DCBLD2: variants seen among roughly 807,000 people sequenced by gnomAD.
DCBLD2 encodes the protein discoidin, CUB and LCCL domain-containing protein 2.
Under a neutral mutation model 86.8 loss-of-function variants are expected in DCBLD2, and 54 were observed. The ratio of observed to expected loss-of-function variants is 0.62; its 90% CI spans 0.50 to 0.78. The LOEUF (loss-of-function observed/expected upper bound fraction) is 0.78, where lower values mean the gene tolerates loss of function less well. Among genes scored for constraint, DCBLD2 ranks in the 30% least tolerant of loss-of-function variants. The probability of loss-of-function intolerance (pLI) is 0.00; values close to 1 mark genes in which losing one functional copy is unlikely to be tolerated. For synonymous variants in DCBLD2, 354 were observed against 341.3 expected (o/e 1.04, Z -0.41); for missense variants, 908 against 954.2 (o/e 0.95, Z 0.64).
intron 3 of DCBLD2, among the ~76,000 whole-genome samples, chr3:98,848,749 G>A (rs1480314742): frequency 1.3e-5 from 2 of 152,174 alleles, no homozygotes; most frequent in Admixed American, 6.5e-5. Context: ...TACTCCTGGG[G>A]ATGTGAGATC....
rs1942292409 is a variant in DCBLD2 at position 98,830,018 on chromosome 3, C to G, written c.572-4652G>C. On this transcript the variant is annotated intron_variant, in intron 3 of 15. Transcript: ENST00000326840. ...ATGATATTGAGCTTTTTTTCTTATG[C>G]TTATTGGCCACATATGTGTCTTCTT... Among the ~76,000 whole-genome samples the G allele has an allele frequency of 2.0e-5, 3 of 152,060 alleles. No individual in the cohort carries two copies. In the East Asian group the frequency reaches 5.8e-4, roughly 29 times the overall value.
At chr3:98,858,754 A>G (rs907970927) in intron 2 of DCBLD2, among the ~76,000 whole-genome samples, 5 of 152,174 alleles carry the variant, frequency 3.3e-5, no homozygotes, top group Non-Finnish European at 7.4e-5. Flanking sequence ...TTTCAGAAAA[A>G]GTTTATGAAA....
intron 6 of DCBLD2, chr3:98,820,772 T>C (rs1203730857): frequency 1.4e-5 from 2 of 145,502 alleles, no homozygotes; most frequent in African/African-American, 5.0e-5. Context: ...CTTTTTCTTT[T>C]TTTTTTTTTT....
chr3:98,856,201 G>A (rs1044430910), intron 2 of DCBLD2, among the ~76,000 whole-genome samples: 6 of 152,068 alleles, frequency 3.9e-5, no homozygotes, highest in African/African-American at 1.4e-4. Context: ...CTTGGATGGG[G>A]GCAGGATCTC....
intron 1 of DCBLD2, chr3:98,900,765 C>T: frequency 3.2e-6 from 1 of 311,294 alleles, no homozygotes; most frequent in Non-Finnish European, 6.1e-6. Flanking sequence ...TGCCTTCCTA[C>T]AGTGTCCATC....
At chr3:98,857,253 G>C (rs537250041) in intron 2 of DCBLD2, among the ~76,000 whole-genome samples, 2 of 152,340 alleles carry the variant, frequency 1.3e-5, no homozygotes, top group East Asian at 3.9e-4. Flanking sequence ...TTTGCGGTGA[G>C]TGTTACAGCT....
At chr3:98,870,081 G>T (rs1416218634) in intron 2 of DCBLD2, among the ~76,000 whole-genome samples, 1 of 152,148 alleles carries the variant, frequency 6.6e-6, no homozygotes, top group African/African-American at 2.4e-5. Context: ...TGGGGAAAGG[G>T]TTAAGTCTTT....
chr3:98,857,124 G>A (rs1404726228), intron 2 of DCBLD2, among the ~76,000 whole-genome samples: 1 of 152,160 alleles, frequency 6.6e-6, no homozygotes. Flanking sequence ...ACTGGCTCAG[G>A]AGTGAAGCTG....
Position 98,808,181 on chromosome 3 carries a change from T to G in DCBLD2, c.1577-7A>C. ...ACTGCAGCCAGCGCTACATCTGAAG[T>G]TACAAAGACAAAAACAGACAAACAA... On this transcript the variant is annotated splice_polypyrimidine_tract_variant and splice_region_variant and intron_variant, in intron 12 of 15. Coordinates refer to ENST00000326840, the MANE Select transcript of DCBLD2 (RefSeq NM_080927.4). The G allele has an allele frequency of 1.3e-6, 2 of 1,588,954 alleles. No homozygotes were observed. The highest frequency in any genetic ancestry group is 1.7e-6 in the Non-Finnish European group (2 of 1,168,984).
chr3:98,847,424 T>C (rs1942746962), intron 3 of DCBLD2, among the ~76,000 whole-genome samples: 1 of 152,206 alleles, frequency 6.6e-6, no homozygotes, highest in Non-Finnish European at 1.5e-5. Flanking sequence ...TTCTAGTTCT[T>C]TTCTATTATT....
chr3:98,878,654 T>C (rs1194672928), intron 2 of DCBLD2, among the ~76,000 whole-genome samples: 1 of 152,228 alleles, frequency 6.6e-6, no homozygotes, highest in Non-Finnish European at 1.5e-5. Flanking sequence ...AAGAAACTTT[T>C]CTACCACTAA....
intron 9 of DCBLD2, 75 bp downstream of exon 9, chr3:98,817,694 T>C (rs903061787): frequency 8.2e-5 from 120 of 1,456,722 alleles, no homozygotes; most frequent in Non-Finnish European, 9.3e-5. Context: ...ATCTCTTTTA[T>C]ACAGGAGAGC....
chr3:98,833,133 T>C (rs1942353321), intron 3 of DCBLD2, among the ~76,000 whole-genome samples: 2 of 152,222 alleles, frequency 1.3e-5, no homozygotes. Flanking sequence ...TTCCTTTTCA[T>C]TCTTTTTTTC....
chr3:98,867,846 AG>A (rs1943184801), intron 2 of DCBLD2, among the ~76,000 whole-genome samples: 1 of 150,424 alleles, frequency 6.6e-6, no homozygotes, highest in African/African-American at 2.5e-5. Flanking sequence ...TCTGTCACCC[AG>A]GCTGGAGTGC....
intron 3 of DCBLD2, among the ~76,000 whole-genome samples, chr3:98,841,043 A>T (rs866587932): frequency 1.3e-5 from 2 of 152,156 alleles, no homozygotes; most frequent in Non-Finnish European, 2.9e-5. Context: ...TTGAATATAC[A>T]CTAGTCTTCA....
chr3:98,822,873 C>T, intron 4 of DCBLD2, 132 bp from the exon 5 acceptor site: 1 of 696,292 alleles, frequency 1.4e-6, no homozygotes, highest in African/African-American at 1.9e-5. Context: ...CTCAAAGACC[C>T]ACCACTTCTT....
rs56369137 is a variant in DCBLD2, at chr3:98,797,036, T to TAAAAAAAA, written c.*2328_*2335dup. 1 of 133,384 alleles carries TAAAAAAAA rather than the reference T, an allele frequency of 7.5e-6. No individual in the cohort carries two copies. 8.3% of individuals were successfully genotyped at this position (133,384 alleles called of 1,614,324 possible). The stretch of plus-strand genomic sequence containing the variant: ...ATATGTATCAGACATATAAATGTAG[T>TAAAAAAAA]AAAAAAAAAAAAAAAAAAAATAGAA... On this transcript the variant is annotated 3_prime_UTR_variant, in exon 16 of 16. Coordinates refer to ENST00000326840, the MANE Select transcript of DCBLD2 (RefSeq NM_080927.4).
At chr3:98,822,475 A>G in intron 5 of DCBLD2, 114 bp from the exon 6 acceptor site, 1 of 1,360,254 alleles carries the variant, frequency 7.4e-7, no homozygotes, top group Non-Finnish European at 9.9e-7. Context: ...CATAAACTTC[A>G]TAAACAAAAA....
chr3:98,891,520 C>T (rs1254051367), intron 1 of DCBLD2, among the ~76,000 whole-genome samples: 1 of 152,054 alleles, frequency 6.6e-6, no homozygotes, highest in Non-Finnish European at 1.5e-5. Flanking sequence ...CACACTTCAG[C>T]CAGAGTTTCT....
Sources: gnomAD v4.1 joint callset for allele counts (sites outside exome capture counted in the v4.1 genomes callset) on GRCh38, gnomAD v4.1.1 for gene constraint, MANE v1.5 for transcripts, NCBI Gene and HGNC (gene_info 2026-07-23, HGNC 2026-07-21) for gene names.